The following KMT2A variants were observed in gnomAD, a reference collection of about 807,000 sequenced individuals.
The protein encoded by KMT2A is histone-lysine N-methyltransferase 2A.
KMT2A carries 16 observed loss-of-function variants against 345.3 expected under a neutral mutation model. The ratio of observed to expected loss-of-function variants is 0.05; its 90% confidence interval spans 0.03 to 0.07. The LOEUF (loss-of-function observed/expected upper bound fraction) is 0.07, where lower values mean the gene tolerates loss of function less well. Ranked by LOEUF, KMT2A falls within the 10% of genes least tolerant of loss-of-function variation. The pLI, the probability that KMT2A is intolerant of heterozygous loss-of-function variation, is 1.00. For missense variants in KMT2A, 3,272 were observed against 4,841.6 expected (o/e 0.68, Z 9.62); for synonymous variants, 1,599 against 1,778.6 (o/e 0.90, Z 2.54).
intron 6 of KMT2A, 111 bp from the exon 7 acceptor site, chr11:118,481,604 T>C (rs1223755223): frequency 1.8e-6 from 2 of 1,135,672 alleles, no homozygotes; most frequent in African/African-American, 1.6e-5. Flanking sequence ...TCCTTTATTT[T>C]GGTATATACC....
At chr11:118,516,285 C>A (rs1339993980) in intron 31 of KMT2A, among the ~76,000 whole-genome samples, 1 of 152,068 alleles carries the variant, frequency 6.6e-6, no homozygotes, top group Non-Finnish European at 1.5e-5. Context: ...CTTGATGAGG[C>A]AACATTTGAG....
Position 118,476,447 on chromosome 11 carries a change from C to A in KMT2A, c.3157-358C>A, listed in dbSNP as rs185207728. Among the ~76,000 whole-genome samples, 50 of 152,202 alleles carry A rather than the reference C, an allele frequency of 3.3e-4. No individual in the cohort carries two copies. In the East Asian group the frequency reaches 9.3e-3, roughly 28 times the overall value. On this transcript the variant is annotated intron_variant, in intron 3 of 35. Coordinates refer to ENST00000534358, the MANE Select transcript of KMT2A (RefSeq NM_001197104.2). The surrounding 1 kb of genome is among the most constrained non-coding windows in gnomAD (Gnocchi z 4.1). ...GGTGGCTCAAGTGATCCTCTTGTCC[C>A]AGCCTCCTGAGTAGCTAGAACTACA... is the stretch of plus-strand genomic sequence containing the variant.
intron 30 of KMT2A, among the ~76,000 whole-genome samples, chr11:118,511,624 A>G (rs1366772679): frequency 6.6e-6 from 1 of 152,182 alleles, no homozygotes; most frequent in Admixed American, 6.5e-5. Context: ...GGAACATAAA[A>G]ATACCAAACA....
rs1565293702 is a variant in KMT2A, at chr11:118,491,241, A to G, written c.4742A>G (p.Tyr1581Cys). The change falls in exon 14 of 36, where the codon TAT becomes TGT. Residue 1581 changes from tyrosine to cysteine, a missense_variant. By Grantham distance (194) the Tyr-to-Cys change is radical. Transcript: ENST00000534358. The surrounding 1 kb of genome is among the most constrained non-coding windows in gnomAD (Gnocchi z 4.2). Reference protein sequence around the residue: ...LCDKCYDDDDYESKMMQCGKC... With the variant: ...LCDKCYDDDDCESKMMQCGKC... The stretch of plus-strand genomic sequence containing the variant: ...GACAAATGTTATGATGATGATGACT[A>G]TGAGAGTAAGATGATGCAATGTGGA... 3 of 1,614,016 alleles carry G rather than the reference A, an allele frequency of 1.9e-6. No individual in the cohort carries two copies. Among genetic ancestry groups the G allele is most frequent in the Non-Finnish European group, 1.7e-6 (2 of 1,179,884 alleles).
At chr11:118,461,188 T>G (rs1476471239) in intron 1 of KMT2A, among the ~76,000 whole-genome samples, 2 of 152,186 alleles carry the variant, frequency 1.3e-5, no homozygotes, top group Non-Finnish European at 2.9e-5. Context: ...CTCACAGAAA[T>G]AACTGGCCAC....
chr11:118,522,955 G>C lies in KMT2A; in HGVS notation c.*783G>C, dbSNP rs185614326. Reference sequence around the variant, plus strand: ...CATGCTTCTTTCGGGTTGTAGGGGAGACTGACTGCCTGCTCAAGGACACTC... The same window carrying C: ...CATGCTTCTTTCGGGTTGTAGGGGACACTGACTGCCTGCTCAAGGACACTC... On this transcript the variant is annotated 3_prime_UTR_variant, in exon 36 of 36. Coordinates refer to ENST00000534358, the MANE Select transcript of KMT2A (RefSeq NM_001197104.2). The surrounding 1 kb of genome is among the most constrained non-coding windows in gnomAD (Gnocchi z 5.4). 1.0e-4 allele frequency: 23 copies of C among 225,990 alleles called. No homozygotes were observed. The highest frequency in any genetic ancestry group is 4.9e-4 in the African/African-American group (22 of 44,940). 14.0% of individuals were successfully genotyped at this position (225,990 alleles called of 1,614,324 possible).
At chr11:118,457,766 T>C (rs781995207) in intron 1 of KMT2A, among the ~76,000 whole-genome samples, 1 of 151,880 alleles carries the variant, frequency 6.6e-6, no homozygotes, top group Non-Finnish European at 1.5e-5. Context: ...AGATTAAGTT[T>C]TCATCCTCTC....
In KMT2A at chr11:118,510,846, T is replaced by C. The variant is rs1160416665; in HGVS notation, c.11071+728T>C. 1.3e-5 allele frequency among the ~76,000 whole-genome samples: 2 copies of C among 152,086 alleles called. No individual in the cohort carries two copies. Among genetic ancestry groups the C allele is most frequent in the Admixed American group, 6.5e-5 (1 of 15,272 alleles). ...GTTATCAAAAACCCATGAAGATAAA[T>C]AGAAGATTCTATTAAAGGAGAAAAT... On this transcript the variant is annotated intron_variant, in intron 30 of 35. Transcript: ENST00000534358. The surrounding 1 kb of genome is among the most constrained non-coding windows in gnomAD (Gnocchi z 4.1).
In KMT2A at chr11:118,506,337, A is replaced by C. The variant is rs1950582543; in HGVS notation, c.10445A>C (p.Gln3482Pro). The change falls in exon 27 of 36, where the codon CAG becomes CCG. Residue 3482 changes from glutamine to proline, a missense_variant. By Grantham distance (76) the Gln-to-Pro change is moderately conservative (BLOSUM62 -1). Around this residue, in one of 27 missense-constraint regions of KMT2A, gnomAD observed 748 missense variants for 922.2 expected, o/e 0.81. Coordinates refer to ENST00000534358, the MANE Select transcript of KMT2A (RefSeq NM_001197104.2). ...QRDLDSASGP[Q>P]VSNFTQTVDA... ...GATCTTGATTCTGCTTCAGGGCCCC[A>C]GGTATCCAACTTTACCCAGACGGTA... is the stretch of plus-strand genomic sequence containing the variant. 1 of 1,614,052 alleles carries C rather than the reference A, an allele frequency of 6.2e-7. No individual in the cohort carries two copies. Among genetic ancestry groups the C allele is most frequent in the Admixed American group, 1.7e-5 (1 of 60,006 alleles).
At chr11:118,512,816 T>A (rs1950719448) in intron 31 of KMT2A, among the ~76,000 whole-genome samples, 1 of 152,066 alleles carries the variant, frequency 6.6e-6, no homozygotes, top group Admixed American at 6.6e-5. Flanking sequence ...TTTTTTTTTT[T>A]ATTTTAGACA....
At position 118,459,204 on chromosome 11, in the gene KMT2A, G is replaced by C. The variant is rs1949701553; in HGVS notation, c.433-9571G>C. The stretch of plus-strand genomic sequence containing the variant: ...TGTGCATCAGCCACCCAAGAAGCTG[G>C]GATTAAAGGCATGTACCACTATGCC... On this transcript the variant is annotated intron_variant, in intron 1 of 35. Coordinates refer to ENST00000534358, the MANE Select transcript of KMT2A (RefSeq NM_001197104.2). Among the ~76,000 whole-genome samples the C allele has an allele frequency of 2.6e-5, 4 of 152,134 alleles. No individual in the cohort carries two copies. In the South Asian group the frequency reaches 8.3e-4, roughly 32 times the overall value.
chr11:118,499,554 C>T (rs1423430664), intron 23 of KMT2A, 134 bp downstream of exon 23: 7 of 713,386 alleles, frequency 9.8e-6, no homozygotes, highest in South Asian at 5.0e-5. Context: ...GAGGCTGAGG[C>T]GGGCAGATCA....
At chr11:118,485,886 T>C (rs1950219601) in intron 10 of KMT2A, among the ~76,000 whole-genome samples, 1 of 152,106 alleles carries the variant, frequency 6.6e-6, no homozygotes, top group Non-Finnish European at 1.5e-5. Context: ...ATCCAGACCA[T>C]CCTGGCTAAC....
chr11:118,499,472 T>C, intron 23 of KMT2A, 52 bp downstream of exon 23: 1 of 1,167,976 alleles, frequency 8.6e-7, no homozygotes, highest in African/African-American at 1.5e-5. Flanking sequence ...ATTGGGGAAA[T>C]TTCTGGTCCT....
rs2134409373 is a variant in KMT2A at position 118,505,904 on chromosome 11, G to A, written c.10012G>A (p.Ala3338Thr). ...HLTSGSVSGL[A>T]SSSSVLNVVS... ...CACATCAGGGTCTGTGTCTGGCTTG[G>A]CATCCAGTTCCTCTGTCTTGAATGT... The change falls in exon 27 of 36, where the codon GCA (alanine) becomes ACA (threonine). Residue 3338 changes from alanine (A) to threonine (T), a missense_variant. Coordinates refer to ENST00000534358, the MANE Select transcript of KMT2A (RefSeq NM_001197104.2). The surrounding 1 kb of genome is among the most constrained non-coding windows in gnomAD (Gnocchi z 4.6). The A allele has an allele frequency of 6.2e-7, 1 of 1,614,168 alleles. No homozygotes were observed. Among genetic ancestry groups the A allele is most frequent in the African/African-American group, 1.3e-5 (1 of 75,036 alleles).
At position 118,498,555 on chromosome 11, in the gene KMT2A, A is replaced by G; in HGVS notation, c.5961+27A>G. Reference sequence around the variant, plus strand: ...TGAGAGAGCTTTAGTTGCTTTAAAAAAAAAAAAAAAGACTTTTTTAGAGCA... The same window carrying G: ...TGAGAGAGCTTTAGTTGCTTTAAAAGAAAAAAAAAAGACTTTTTTAGAGCA... On this transcript the variant is annotated intron_variant, in intron 22 of 35. Coordinates refer to ENST00000534358, the MANE Select transcript of KMT2A (RefSeq NM_001197104.2). The surrounding 1 kb of genome is among the most constrained non-coding windows in gnomAD (Gnocchi z 4.4). The G allele has an allele frequency of 6.4e-7, 1 of 1,567,120 alleles. No homozygotes were observed. The highest frequency in any genetic ancestry group is 8.6e-7 in the Non-Finnish European group (1 of 1,164,374).
At position 118,472,700 on chromosome 11, in the gene KMT2A, C is replaced by G. The variant is rs782029181; in HGVS notation, c.1541C>G (p.Pro514Arg). Residue 514 changes from proline to arginine, a missense_variant, in exon 3 of 36, where the codon CCC becomes CGC. Pro to Arg is a moderately radical substitution (Grantham distance 103). Around this residue, in one of 27 missense-constraint regions of KMT2A, gnomAD observed 180 missense variants for 190.7 expected, o/e 0.94. Coordinates refer to ENST00000534358, the MANE Select transcript of KMT2A (RefSeq NM_001197104.2). Reference protein sequence around the residue: ...SDTPEVHPPLPISQSPENESN... With the variant: ...SDTPEVHPPLRISQSPENESN... Reference sequence around the variant, plus strand: ...ACCCCTGAAGTTCATCCTCCACTGCCCATTTCCCAGTCCCCAGAAAATGAG... The same window carrying G: ...ACCCCTGAAGTTCATCCTCCACTGCGCATTTCCCAGTCCCCAGAAAATGAG... 2.5e-6 allele frequency: 4 copies of G among 1,613,316 alleles called. No individual in the cohort carries two copies. The Admixed American group carries it at 5.0e-5, about 20-fold the overall frequency.
chr11:118,449,839 C>G (rs1949498026), intron 1 of KMT2A: 1 of 151,986 alleles, frequency 6.6e-6, no homozygotes, highest in Non-Finnish European at 1.5e-5. Flanking sequence ...GACTTTTGCG[C>G]CAGAATAAGA....
chr11:118,437,100 G>A (rs1949202532), intron 1 of KMT2A, among the ~76,000 whole-genome samples, 156 bp downstream of exon 1: 1 of 150,816 alleles, frequency 6.6e-6, no homozygotes, highest in Non-Finnish European at 1.5e-5. Flanking sequence ...CCCCCATGCA[G>A]GGCTGCAGAC....
Sources: gnomAD v4.1 joint callset for allele counts (sites outside exome capture counted in the v4.1 genomes callset) on GRCh38, gnomAD v4.1.1 for gene constraint, gnomAD v4.1.1 regional missense constraint, Gnocchi (gnomAD v3.1) non-coding constraint, MANE v1.5 for transcripts, NCBI Gene and HGNC (gene_info 2026-07-23, HGNC 2026-07-21) for gene names.